PTPRG: variants seen among roughly 807,000 people sequenced by gnomAD.
PTPRG encodes the protein receptor-type tyrosine-protein phosphatase gamma.
A neutral mutation model predicts 165.3 loss-of-function variants in PTPRG; 102 were observed. The observed-to-expected ratio is 0.62, with a 90% CI of 0.53 to 0.73. The LOEUF (loss-of-function observed/expected upper bound fraction) is 0.73. Ranked by LOEUF, PTPRG falls within the 30% of genes least tolerant of loss-of-function variation. PTPRG has a pLI of 0.00. For missense variants in PTPRG, 1,866 were observed against 1,861.4 expected (o/e 1.00, Z -0.05); for synonymous variants, 675 against 669.5 (o/e 1.01, Z -0.13).
intron 2 of PTPRG, among the ~76,000 whole-genome samples, chr3:61,790,301 G>A (rs924056058): frequency 1.3e-5 from 2 of 152,128 alleles, no homozygotes; most frequent in African/African-American, 2.4e-5. Flanking sequence ...TCTCTTCTCC[G>A]TCTGTCCCTT....
At chr3:62,005,855 A>C (rs528232162) in intron 4 of PTPRG, among the ~76,000 whole-genome samples, 121 of 151,958 alleles carry the variant, frequency 8.0e-4, no homozygotes, top group African/African-American at 2.8e-3. Flanking sequence ...GGTGTGTGCC[A>C]CCATGCCTGG....
chr3:62,249,076 G>A (rs1287650310), intron 15 of PTPRG, among the ~76,000 whole-genome samples: 1 of 152,080 alleles, frequency 6.6e-6, no homozygotes, highest in African/African-American at 2.4e-5. Context: ...TGTCATAAAT[G>A]AAAAGAGATT....
chr3:61,677,507 C>T (rs917379216), intron 1 of PTPRG, among the ~76,000 whole-genome samples: 17 of 152,106 alleles, frequency 1.1e-4, no homozygotes, highest in Admixed American at 2.6e-4. Context: ...GCTTGGATCA[C>T]GATCCCAATA....
rs140957446 is a variant in PTPRG at position 62,068,557 on chromosome 3, C to T, written c.520-9606C>T. ...GTGATGCAATCACAGCTCACTGCAGCCTTGAACTCCTGGGCTCAAGTGATC... is the reference window on the plus strand; with the variant it reads ...GTGATGCAATCACAGCTCACTGCAGTCTTGAACTCCTGGGCTCAAGTGATC... On this transcript the variant is annotated intron_variant, in intron 4 of 29. Transcript: ENST00000474889. Among the ~76,000 whole-genome samples, 23 of 152,226 alleles carry T rather than the reference C, an allele frequency of 1.5e-4. No individual in the cohort carries two copies. The East Asian group carries it at 4.4e-3, about 29-fold the overall frequency.
chr3:61,631,577 T>C (rs1701776662), intron 1 of PTPRG, among the ~76,000 whole-genome samples: 1 of 152,166 alleles, frequency 6.6e-6, no homozygotes, highest in African/African-American at 2.4e-5. Context: ...CCACTAGGGG[T>C]CTCAGAATGT....
chr3:61,718,490 T>C (rs559051460), intron 1 of PTPRG, among the ~76,000 whole-genome samples: 1 of 152,302 alleles, frequency 6.6e-6, no homozygotes, highest in East Asian at 1.9e-4. Flanking sequence ...CATTGTGACA[T>C]TGTGATGTGA....
chr3:61,705,110 G>A (rs1375085994), intron 1 of PTPRG, among the ~76,000 whole-genome samples: 1 of 152,166 alleles, frequency 6.6e-6, no homozygotes, highest in Non-Finnish European at 1.5e-5. Flanking sequence ...GAAGAGCTTT[G>A]GGTGGCTGAG....
At chr3:61,599,530 T>A (rs1465387713) in intron 1 of PTPRG, among the ~76,000 whole-genome samples, 2 of 152,166 alleles carry the variant, frequency 1.3e-5, no homozygotes. Flanking sequence ...TCTAGCTCTG[T>A]CGTCCAGGCT....
At chr3:61,636,289 T>G (rs1337792712) in intron 1 of PTPRG, among the ~76,000 whole-genome samples, 1 of 152,230 alleles carries the variant, frequency 6.6e-6, no homozygotes, top group East Asian at 1.9e-4. Flanking sequence ...ACATTTTTAT[T>G]ATACCCGAAA....
chr3:62,277,574 T>C lies in PTPRG; in HGVS notation c.3660T>C (p.Phe1220=), dbSNP rs1030356907. 6.2e-7 allele frequency: 1 copy of C among 1,611,870 alleles called. No homozygotes were observed. Residue 1220 remains phenylalanine, a synonymous_variant, in exon 26 of 30, where the codon TTT becomes TTC. Coordinates refer to ENST00000474889, the MANE Select transcript of PTPRG (RefSeq NM_002841.4). The part of the protein sequence containing the change: ...YIMGYYRSNE[F]IITQHPLPHT... ...AGGGCTATTATAGGAGCAATGAATT[T>C]ATTATAACTCAGCATCCTCTGCCAC...
At chr3:61,772,142 C>G (rs2107029325) in intron 2 of PTPRG, among the ~76,000 whole-genome samples, 1 of 150,952 alleles carries the variant, frequency 6.6e-6, no homozygotes, top group South Asian at 2.1e-4. Flanking sequence ...TTTGCCAATT[C>G]CCATCGGGGC....
chr3:61,787,918 C>G (rs76449284), intron 2 of PTPRG, among the ~76,000 whole-genome samples: 1 of 152,156 alleles, frequency 6.6e-6, no homozygotes, highest in Non-Finnish European at 1.5e-5. Context: ...TCAAGGATAT[C>G]GTCTCCAGTG....
chr3:61,826,378 C>A (rs34211692), intron 2 of PTPRG, among the ~76,000 whole-genome samples: 2 of 151,860 alleles, frequency 1.3e-5, no homozygotes, highest in Non-Finnish European at 2.9e-5. Flanking sequence ...TAATGACATG[C>A]GGGTTATTGT....
intron 1 of PTPRG, among the ~76,000 whole-genome samples, chr3:61,740,833 T>G (rs1225622450): frequency 2.6e-5 from 4 of 152,218 alleles, no homozygotes; most frequent in African/African-American, 9.6e-5. Flanking sequence ...GTAAGTATAT[T>G]TGAATATGAT....
At chr3:61,912,183 C>G (rs890908656) in intron 2 of PTPRG, among the ~76,000 whole-genome samples, 1 of 151,960 alleles carries the variant, frequency 6.6e-6, no homozygotes, top group African/African-American at 2.4e-5. Context: ...AAATGCGCAA[C>G]AGTATAGTCA....
intron 2 of PTPRG, among the ~76,000 whole-genome samples, chr3:61,763,384 C>T (rs1041893396): frequency 3.3e-4 from 50 of 151,820 alleles, no homozygotes; most frequent in Non-Finnish European, 6.5e-4. Context: ...ATTACAGGCG[C>T]GCACCACTAC....
chr3:61,580,959 A>G (rs533548721), intron 1 of PTPRG, among the ~76,000 whole-genome samples: 1 of 152,102 alleles, frequency 6.6e-6, no homozygotes, highest in Non-Finnish European at 1.5e-5. Flanking sequence ...TGGAGAGAAA[A>G]TATTTGTGTT....
At chr3:61,731,349 C>CT (rs543374959) in intron 1 of PTPRG, among the ~76,000 whole-genome samples, 3,633 of 132,166 alleles carry the variant, frequency 0.027, 90 homozygotes, top group African/African-American at 0.052. Context: ...TTCCTTTTTC[C>CT]TTTTTTTTTT....
chr3:61,845,399 C>T (rs1271939028), intron 2 of PTPRG, among the ~76,000 whole-genome samples: 1 of 152,174 alleles, frequency 6.6e-6, no homozygotes, highest in Admixed American at 6.5e-5. Context: ...AGGCAAACAG[C>T]AGAGACTGTT....
Sources: allele counts gnomAD v4.1 joint callset (sites outside exome capture counted in the v4.1 genomes callset), GRCh38; gene constraint gnomAD v4.1.1; transcripts MANE v1.5; gene names NCBI Gene and HGNC (gene_info 2026-07-23, HGNC 2026-07-21).